The following TERF1 variants were observed in gnomAD, a reference collection of about 807,000 sequenced individuals.
The protein encoded by TERF1 is telomeric repeat binding factor 1.
A neutral mutation model predicts 55.1 loss-of-function variants in TERF1; 20 were observed. The ratio of observed to expected loss-of-function variants is 0.36; its 90% CI spans 0.26 to 0.53. The LOEUF (loss-of-function observed/expected upper bound fraction) is 0.53. TERF1 is among the 20% of genes least tolerant of loss of function. The pLI is 0.91. For missense variants in TERF1, 439 were observed against 535.7 expected (o/e 0.82, Z 1.78); for synonymous variants, 168 against 181.2 (o/e 0.93, Z 0.59).
At chr8:73,029,924 A>G (rs1345650354) in intron 6 of TERF1, 1 of 153,840 alleles carries the variant, frequency 6.5e-6, no homozygotes, top group Admixed American at 6.5e-5. Flanking sequence ...CAAAAGTTCA[A>G]TTGGAGACTG....
intron 6 of TERF1, among the ~76,000 whole-genome samples, chr8:73,029,721 A>G (rs1586050523): frequency 6.6e-6 from 1 of 152,320 alleles, no homozygotes; most frequent in South Asian, 2.1e-4. Context: ...GTTGAGATGG[A>G]CAGCTTCATG....
At chr8:73,011,869 C>G (rs2129710275) in intron 1 of TERF1, 1 of 151,986 alleles carries the variant, frequency 6.6e-6, no homozygotes, top group African/African-American at 2.4e-5. Context: ...GAGCAATAGG[C>G]TCTTTTACTT....
chr8:73,030,247 T>A (rs751954935), intron 6 of TERF1, 89 bp from the exon 7 acceptor site: 5 of 809,924 alleles, frequency 6.2e-6, no homozygotes, highest in Non-Finnish European at 7.6e-6. Flanking sequence ...TTTTTATAAA[T>A]TGAAATATGC....
In TERF1 at chr8:73,036,466, G is replaced by A. The variant is rs55708235; in HGVS notation, c.1040-2650G>A. Reference sequence around the variant, plus strand: ...ATGTGAAATTGCATTGTTAACAATAGATGATTTTGCAGAGAACTGACACCA... The same window carrying A: ...ATGTGAAATTGCATTGTTAACAATAAATGATTTTGCAGAGAACTGACACCA... On this transcript the variant is annotated intron_variant, in intron 8 of 9. Coordinates refer to ENST00000276603, the MANE Select transcript of TERF1 (RefSeq NM_017489.3). Among the ~76,000 whole-genome samples, 1,123 of 152,230 alleles carry A rather than the reference G, an allele frequency of 7.4e-3. 21 individuals carry two copies. Among genetic ancestry groups the A allele is most frequent in the African/African-American group, 0.025 (1,033 of 41,528 alleles).
chr8:73,020,701 G>A lies in TERF1; in HGVS notation c.433G>A (p.Asp145Asn). ...TTTAAAAGATGCACAGTTTGAAAAT[G>A]ATGAACGAATTACACCCTTGGAATC... ...GKTLDAQFENDERITPLESAL... is the reference protein window; with the variant it reads ...GKTLDAQFENNERITPLESAL... The change falls in exon 3 of 10, where the codon GAT becomes AAT. Residue 145 changes from aspartate (D) to asparagine (N), a missense_variant. Physicochemically the swap from Asp to Asn is conservative, Grantham distance 23. Coordinates refer to ENST00000276603, the MANE Select transcript of TERF1 (RefSeq NM_017489.3). The A allele has an allele frequency of 1.2e-6, 2 of 1,600,514 alleles. No homozygotes were observed. The highest frequency in any genetic ancestry group is 1.7e-6 in the Non-Finnish European group (2 of 1,175,438).
intron 8 of TERF1, chr8:73,038,666 A>G (rs985881388): frequency 1.7e-6 from 1 of 591,900 alleles, no homozygotes; most frequent in South Asian, 7.5e-5. Flanking sequence ...TGCCTAAACA[A>G]TTATCATTTT....
intron 1 of TERF1, chr8:73,012,108 T>C (rs1236043938): frequency 2.0e-5 from 3 of 152,206 alleles, no homozygotes; most frequent in East Asian, 3.8e-4. Context: ...GAGTTACTCA[T>C]TGGCCTAATT....
At chr8:73,022,875 T>G (rs778974040) in intron 4 of TERF1, among the ~76,000 whole-genome samples, 1 of 152,144 alleles carries the variant, frequency 6.6e-6, no homozygotes, top group Non-Finnish European at 1.5e-5. Context: ...AAGGCTGCAG[T>G]GAGCTATAAC....
intron 8 of TERF1, 107 bp downstream of exon 8, chr8:73,032,240 G>C: frequency 2.8e-6 from 2 of 704,682 alleles, no homozygotes; most frequent in Admixed American, 3.1e-5. Flanking sequence ...TCAGAAAACT[G>C]AAGCACAAAG....
At chr8:73,034,640 C>G (rs1809431974) in intron 8 of TERF1, among the ~76,000 whole-genome samples, 1 of 152,108 alleles carries the variant, frequency 6.6e-6, no homozygotes, top group Admixed American at 6.5e-5. Context: ...ATTCAGAAAA[C>G]TTGAAAGAAA....
In TERF1 at chr8:73,045,944, T is replaced by C. The variant is rs749452213; in HGVS notation, c.1144-17T>C. 3 of 1,514,184 alleles carry C rather than the reference T, an allele frequency of 2.0e-6. No individual in the cohort carries two copies. Among genetic ancestry groups the C allele is most frequent in the East Asian group, 4.9e-5 (2 of 40,890 alleles). The allele number at this position is 1,514,184 out of a possible 1,614,324, so 93.8% of individuals were successfully genotyped here. ...ATAATTGTTTCTGTAAATAACTGTTTTACTTTTTATCAAAAGGCATGGCTT... is the reference window on the plus strand; with the variant it reads ...ATAATTGTTTCTGTAAATAACTGTTCTACTTTTTATCAAAAGGCATGGCTT... On this transcript the variant is annotated splice_polypyrimidine_tract_variant and intron_variant, in intron 9 of 9. Transcript: ENST00000276603.
At chr8:73,017,150 A>G (rs1007795718) in intron 2 of TERF1, among the ~76,000 whole-genome samples, 1 of 152,190 alleles carries the variant, frequency 6.6e-6, no homozygotes, top group Admixed American at 6.5e-5. Context: ...TCTATGTCAC[A>G]TTTATAAGAA....
At chr8:73,039,901 T>C (rs1038893615) in intron 9 of TERF1, among the ~76,000 whole-genome samples, 1 of 151,490 alleles carries the variant, frequency 6.6e-6, no homozygotes, top group African/African-American at 2.4e-5. Context: ...TCCTCCCACC[T>C]TGGGCTCCAA....
chr8:73,044,612 A>G (rs1268821015), intron 9 of TERF1, among the ~76,000 whole-genome samples: 1 of 152,172 alleles, frequency 6.6e-6, no homozygotes, highest in South Asian at 2.1e-4. Context: ...GTAGCATTAA[A>G]TATATTCATA....
intron 5 of TERF1, among the ~76,000 whole-genome samples, chr8:73,026,684 A>G (rs1218398702): frequency 6.7e-6 from 1 of 150,142 alleles, no homozygotes; most frequent in Non-Finnish European, 1.5e-5. Flanking sequence ...TTGCCTAGAG[A>G]GCATTTTGTC....
At chr8:73,025,754 CAAAAAAAAAAAAAA>C (rs35028162) in intron 5 of TERF1, among the ~76,000 whole-genome samples, 3 of 47,266 alleles carry the variant, frequency 6.3e-5, no homozygotes, top group South Asian at 2.7e-3. Context: ...GACTCTGTCT[CAAAAAAAAAAAAAA>C]AAAAAAAAAA....
At chr8:73,019,850 T>C (rs890667929) in intron 2 of TERF1, among the ~76,000 whole-genome samples, 4 of 152,240 alleles carry the variant, frequency 2.6e-5, no homozygotes, top group Non-Finnish European at 4.4e-5. Context: ...GTCTTTAACC[T>C]GTCTGAAAGA....
Position 73,024,893 on chromosome 8 carries a change from C to T in TERF1, c.696C>T (p.Ser232=). 6.3e-7 allele frequency: 1 copy of T among 1,585,416 alleles called. No homozygotes were observed. Among genetic ancestry groups the T allele is most frequent in the Non-Finnish European group, 8.5e-7 (1 of 1,169,786 alleles). The part of the protein sequence containing the change: ...DTFHSFFQHF[S]YNHMMEKIKS... ...TTCATTCCTTTTTTCAACACTTCAG[C>T]TACAACCACATGATGGAGAAAATTA... The change falls in exon 5 of 10, where the codon AGC becomes AGT. Residue 232 remains serine, a synonymous_variant. Coordinates refer to ENST00000276603, the MANE Select transcript of TERF1 (RefSeq NM_017489.3).
In TERF1 at chr8:73,047,590, T is replaced by C. The variant is rs1209647425; in HGVS notation, c.*1453T>C. On this transcript the variant is annotated 3_prime_UTR_variant, in exon 10 of 10. Transcript: ENST00000276603. ...CGAGTCATGTGCTTTATTTAGCAAG[T>C]GAGTAAAAATATTGGAATATTGAAG... The C allele has an allele frequency of 3.3e-5, 5 of 152,228 alleles. No homozygotes were observed. Among genetic ancestry groups the C allele is most frequent in the African/African-American group, 9.6e-5 (4 of 41,458 alleles). The allele number at this position is 152,228 out of a possible 1,614,324, so 9.4% of individuals were successfully genotyped here.
Sources: gnomAD v4.1 joint callset for allele counts (sites outside exome capture counted in the v4.1 genomes callset) on GRCh38, gnomAD v4.1.1 for gene constraint, MANE v1.5 for transcripts, NCBI Gene and HGNC (gene_info 2026-07-23, HGNC 2026-07-21) for gene names.